TMEM132B: variants seen among roughly 807,000 people sequenced by gnomAD.
TMEM132B encodes transmembrane protein 132B.
A neutral mutation model predicts 90.8 loss-of-function variants in TMEM132B; 18 were observed. The ratio of observed to expected loss-of-function variants is 0.20; its 90% CI spans 0.14 to 0.29. The LOEUF (loss-of-function observed/expected upper bound fraction) is 0.29, where lower values mean the gene tolerates loss of function less well. Ranked by LOEUF, TMEM132B falls within the 10% of genes least tolerant of loss-of-function variation. TMEM132B has a pLI of 1.00. For synonymous variants in TMEM132B, 504 were observed against 523.3 expected, an observed-to-expected ratio of 0.96 and a Z score of 0.50; for missense variants, 1,096 against 1,326.8, an observed-to-expected ratio of 0.83 and a Z score of 2.70.
chr12:125,607,446 T>G (rs555459466), intron 5 of TMEM132B, among the ~76,000 whole-genome samples: 11 of 152,192 alleles, frequency 7.2e-5, no homozygotes, highest in Admixed American at 5.9e-4. Flanking sequence ...CTGCCTGTGA[T>G]TGACTGAAGC....
chr12:125,224,795 C>T (rs1032642062), intron 1 of TMEM132B, among the ~76,000 whole-genome samples: 10 of 152,202 alleles, frequency 6.6e-5, no homozygotes, highest in Admixed American at 6.5e-5. Flanking sequence ...TTTCTTGAAT[C>T]GAAGGCAGAT....
chr12:125,242,021 G>T (rs913549652), intron 1 of TMEM132B, among the ~76,000 whole-genome samples: 5 of 152,188 alleles, frequency 3.3e-5, no homozygotes, highest in African/African-American at 9.6e-5. Context: ...GATCTGTTGT[G>T]AATGAATAGA....
At chr12:125,465,750 C>G (rs1035770725) in intron 3 of TMEM132B, among the ~76,000 whole-genome samples, 4 of 152,214 alleles carry the variant, frequency 2.6e-5, no homozygotes, top group Admixed American at 2.0e-4. Flanking sequence ...GGAAGGATAT[C>G]TGGGCAACCC....
intron 6 of TMEM132B, among the ~76,000 whole-genome samples, chr12:125,648,927 A>G (rs1886836200): frequency 6.6e-6 from 1 of 152,234 alleles, no homozygotes; most frequent in African/African-American, 2.4e-5. Flanking sequence ...TTTATTAACT[A>G]AAGGAAAGTA....
At chr12:125,560,549 G>A (rs889773221) in intron 4 of TMEM132B, among the ~76,000 whole-genome samples, 6 of 152,122 alleles carry the variant, frequency 3.9e-5, no homozygotes, top group East Asian at 1.9e-4. Context: ...AAGGCCGGGC[G>A]CGGTGGCTCA....
intron 1 of TMEM132B, among the ~76,000 whole-genome samples, chr12:125,331,535 C>T (rs2136205000): frequency 6.6e-6 from 1 of 152,264 alleles, no homozygotes; most frequent in Admixed American, 6.5e-5. Context: ...AACCAGCTCA[C>T]ATGTGGCTCA....
chr12:125,559,971 C>G (rs1884479177), intron 4 of TMEM132B, among the ~76,000 whole-genome samples: 1 of 152,196 alleles, frequency 6.6e-6, no homozygotes, highest in Non-Finnish European at 1.5e-5. Flanking sequence ...ACCCATGGCC[C>G]TAAGTTCGAA....
At chr12:125,526,436 T>G (rs1209868203) in intron 4 of TMEM132B, among the ~76,000 whole-genome samples, 1 of 152,170 alleles carries the variant, frequency 6.6e-6, no homozygotes, top group African/African-American at 2.4e-5. Context: ...TAAAACTGGG[T>G]GGCATACACA....
At chr12:125,595,037 C>T (rs902701922) in intron 5 of TMEM132B, among the ~76,000 whole-genome samples, 3 of 150,186 alleles carry the variant, frequency 2.0e-5, no homozygotes, top group Non-Finnish European at 4.5e-5. Context: ...CAGTGTAGAT[C>T]AGCCTTTCCT....
intron 3 of TMEM132B, among the ~76,000 whole-genome samples, chr12:125,426,553 C>T (rs979827390): frequency 3.9e-5 from 6 of 152,176 alleles, no homozygotes; most frequent in African/African-American, 1.4e-4. Context: ...CTGAGTCTTC[C>T]TGATGACCAG....
At chr12:125,515,000 G>A (rs1592966705) in intron 3 of TMEM132B, among the ~76,000 whole-genome samples, 1 of 152,308 alleles carries the variant, frequency 6.6e-6, no homozygotes, top group East Asian at 1.9e-4. Flanking sequence ...TTTTACGGAA[G>A]GGGAGGTTTC....
At chr12:125,539,608 A>G (rs1883901364) in intron 4 of TMEM132B, among the ~76,000 whole-genome samples, 1 of 152,334 alleles carries the variant, frequency 6.6e-6, no homozygotes, top group African/African-American at 2.4e-5. Context: ...TCTTTGATGA[A>G]TGGTTGGCTG....
intron 1 of TMEM132B, among the ~76,000 whole-genome samples, chr12:125,195,690 C>T (rs1425463321): frequency 3.3e-5 from 5 of 152,070 alleles, no homozygotes; most frequent in East Asian, 1.9e-4. Flanking sequence ...TGAGCCACCG[C>T]ACCTGGCCAG....
chr12:125,578,950 C>T (rs944717001), intron 4 of TMEM132B, among the ~76,000 whole-genome samples: 8 of 152,040 alleles, frequency 5.3e-5, no homozygotes, highest in African/African-American at 9.7e-5. Flanking sequence ...ATTTTGAGTT[C>T]GCTGAACTCT....
chr12:125,307,788 G>GTATGTATATACATATATACATATACT (rs1876020337), intron 1 of TMEM132B, among the ~76,000 whole-genome samples: 37 of 81,902 alleles, frequency 4.5e-4, no homozygotes, highest in Non-Finnish European at 6.3e-4. Flanking sequence ...TATAATACAA[G>GTATGTATATACATATATACATATACT]TATATTACAA....
chr12:125,438,861 A>G (rs536273872), intron 3 of TMEM132B, among the ~76,000 whole-genome samples: 7 of 152,310 alleles, frequency 4.6e-5, no homozygotes, highest in Admixed American at 4.6e-4. Flanking sequence ...TGAAGGTAGC[A>G]TTTCCCAAGT....
At chr12:125,474,604 G>T (rs1302057244) in intron 3 of TMEM132B, among the ~76,000 whole-genome samples, 1 of 151,972 alleles carries the variant, frequency 6.6e-6, no homozygotes, top group East Asian at 1.9e-4. Flanking sequence ...TTTTCTTTAT[G>T]TCATTATTTT....
chr12:125,474,273 T>G, intron 3 of TMEM132B, among the ~76,000 whole-genome samples: 1 of 52,218 alleles, frequency 1.9e-5, no homozygotes, highest in Admixed American at 2.3e-4. Context: ...CTCCCCTCCC[T>G]CCCCTCCCCT....
chr12:125,418,097 T>C (rs1880068750), intron 3 of TMEM132B, among the ~76,000 whole-genome samples: 1 of 152,202 alleles, frequency 6.6e-6, no homozygotes, highest in African/African-American at 2.4e-5. Context: ...CAGAAATCAC[T>C]GTCTGGGTAC....
Sources: gnomAD v4.1 joint callset for allele counts (sites outside exome capture counted in the v4.1 genomes callset) on GRCh38, gnomAD v4.1.1 for gene constraint, MANE v1.5 for transcripts, NCBI Gene and HGNC (gene_info 2026-07-23, HGNC 2026-07-21) for gene names.